GPATCH2: variants seen among roughly 807,000 people sequenced by gnomAD.
The protein encoded by GPATCH2 is G-patch domain containing 2.
A neutral mutation model predicts 58.0 loss-of-function variants in GPATCH2; 51 were observed. The ratio of observed to expected loss-of-function variants is 0.88; its 90% CI spans 0.70 to 1.11. GPATCH2 has a LOEUF of 1.11. Ranked by LOEUF, GPATCH2 falls within the 50% of genes most tolerant of loss-of-function variation. The probability of loss-of-function intolerance (pLI) is 0.00; values close to 1 mark genes in which losing one functional copy is unlikely to be tolerated. For synonymous variants in GPATCH2, 222 were observed against 218.5 expected, an observed-to-expected ratio of 1.02 and a Z score of -0.14; for missense variants, 625 against 652.2, an observed-to-expected ratio of 0.96 and a Z score of 0.45.
chr1:217,555,521 T>C (rs1335143346), intron 5 of GPATCH2, among the ~76,000 whole-genome samples: 2 of 152,178 alleles, frequency 1.3e-5, no homozygotes, highest in African/African-American at 4.8e-5. Flanking sequence ...TGGCCTCATT[T>C]TGAATCTCAC....
chr1:217,599,007 A>G (rs568801906), intron 5 of GPATCH2, among the ~76,000 whole-genome samples: 3 of 152,316 alleles, frequency 2.0e-5, no homozygotes, highest in Non-Finnish European at 4.4e-5. Flanking sequence ...AAAAAAAGGT[A>G]CAGAATTGAA....
rs992436907 is a variant in GPATCH2 at position 217,574,551 on chromosome 1, A to G, written c.1098+35770T>C. On this transcript the variant is annotated intron_variant, in intron 5 of 9. Transcript: ENST00000366935. ...TGCAATTGGTCAAAGTGAGACAAAC[A>G]ATAAAAGGAATAATCATAAACCTAA... Among the ~76,000 whole-genome samples the G allele has an allele frequency of 8.5e-5, 13 of 152,286 alleles. No individual in the cohort carries two copies. In the East Asian group the frequency reaches 2.5e-3, roughly 29 times the overall value.
At chr1:217,492,625 T>C (rs1661802854) in intron 7 of GPATCH2, 2 of 152,222 alleles carry the variant, frequency 1.3e-5, no homozygotes, top group Non-Finnish European at 2.9e-5. Context: ...GTTCCAATAA[T>C]AGCTTTACCA....
intron 6 of GPATCH2, among the ~76,000 whole-genome samples, chr1:217,512,530 C>G (rs1029036464): frequency 6.6e-6 from 1 of 152,130 alleles, no homozygotes; most frequent in African/African-American, 2.4e-5. Context: ...AGCCTGCTGA[C>G]AAAGATTTCC....
At chr1:217,574,818 GCT>G (rs1666732787) in intron 5 of GPATCH2, among the ~76,000 whole-genome samples, 2 of 152,098 alleles carry the variant, frequency 1.3e-5, no homozygotes, top group African/African-American at 4.8e-5. Flanking sequence ...GGTCTTTTTG[GCT>G]CCAAAGAGCA....
intron 6 of GPATCH2, among the ~76,000 whole-genome samples, chr1:217,512,582 T>G (rs980111476): frequency 1.2e-4 from 18 of 152,182 alleles, no homozygotes; most frequent in Non-Finnish European, 1.0e-4. Context: ...GGCTTTGAAC[T>G]GCCTCAGGGC....
intron 5 of GPATCH2, among the ~76,000 whole-genome samples, chr1:217,544,606 G>A (rs895949464): frequency 6.6e-6 from 1 of 152,050 alleles, no homozygotes; most frequent in Non-Finnish European, 1.5e-5. Flanking sequence ...AACTGCTATT[G>A]GAAATAAAAA....
chr1:217,610,190 A>G lies in GPATCH2; in HGVS notation c.1098+131T>C, dbSNP rs964966836. 6.3e-6 allele frequency: 10 copies of G among 1,592,314 alleles called. 1 individual carries two copies. Among genetic ancestry groups the G allele is most frequent in the African/African-American group, 5.4e-5 (4 of 74,082 alleles). ...GGGGAATCTCACTGGTCCAGTTTGTAGCCTACAAAAAAATGGATTATTTTT... is the reference window on the plus strand; with the variant it reads ...GGGGAATCTCACTGGTCCAGTTTGTGGCCTACAAAAAAATGGATTATTTTT... On this transcript the variant is annotated intron_variant, in intron 5 of 9. Transcript: ENST00000366935.
At chr1:217,617,988 C>A (rs968415399) in intron 2 of GPATCH2, among the ~76,000 whole-genome samples, 1 of 151,952 alleles carries the variant, frequency 6.6e-6, no homozygotes, top group East Asian at 1.9e-4. Flanking sequence ...GGAGCTTGCA[C>A]AATGAATCCA....
At chr1:217,608,642 G>T (rs1383206797) in intron 5 of GPATCH2, 4 of 984,260 alleles carry the variant, frequency 4.1e-6, no homozygotes, top group Non-Finnish European at 4.8e-6. Context: ...CATTCATCTA[G>T]ATTCATGATT....
intron 5 of GPATCH2, among the ~76,000 whole-genome samples, chr1:217,567,604 T>C (rs189850822): frequency 2.0e-5 from 3 of 152,340 alleles, no homozygotes; most frequent in Non-Finnish European, 2.9e-5. Flanking sequence ...GAAATGCCCA[T>C]ATGTAATGGT....
chr1:217,576,685 A>G (rs1172264437), intron 5 of GPATCH2, among the ~76,000 whole-genome samples: 4 of 152,192 alleles, frequency 2.6e-5, no homozygotes, highest in Non-Finnish European at 5.9e-5. Context: ...GAGGTTTCCA[A>G]TAGGACCTTG....
In GPATCH2 at chr1:217,620,324, C is replaced by T. The variant is rs1360801941; in HGVS notation, c.232G>A (p.Val78Met). The change falls in exon 2 of 10, where the codon GTG (valine) becomes ATG (methionine). Residue 78 changes from valine (V) to methionine (M), a missense_variant. By Grantham distance (21) the Val-to-Met change is conservative (BLOSUM62 1). Coordinates refer to ENST00000366935, the MANE Select transcript of GPATCH2 (RefSeq NM_018040.5). ...TGACCAGTCTCCCACGGGTGATGCA[C>T]ATTATACGACCTCCGTTTTCTCCCT... ...RRGRKRRSYN[V>M]HHPWETGHCL... 6.2e-7 allele frequency: 1 copy of T among 1,614,050 alleles called. No individual in the cohort carries two copies. The highest frequency in any genetic ancestry group is 1.1e-5 in the South Asian group (1 of 91,082).
At chr1:217,484,206 A>G (rs910563650) in intron 8 of GPATCH2, among the ~76,000 whole-genome samples, 1 of 152,140 alleles carries the variant, frequency 6.6e-6, no homozygotes, top group Non-Finnish European at 1.5e-5. Context: ...TATCTCCTAA[A>G]TGTGGGTGAG....
chr1:217,500,824 T>A (rs1217202553), intron 6 of GPATCH2, among the ~76,000 whole-genome samples: 1 of 151,802 alleles, frequency 6.6e-6, no homozygotes, highest in East Asian at 1.9e-4. Flanking sequence ...TTCTTCTTAT[T>A]TTTTTCCTCC....
chr1:217,493,061 A>T (rs1471676894), intron 7 of GPATCH2, among the ~76,000 whole-genome samples: 1 of 152,064 alleles, frequency 6.6e-6, no homozygotes, highest in Non-Finnish European at 1.5e-5. Context: ...GTATTCTTAA[A>T]TTTTCTCTTA....
chr1:217,510,578 G>A (rs772739494), intron 6 of GPATCH2, among the ~76,000 whole-genome samples: 9 of 151,944 alleles, frequency 5.9e-5, no homozygotes, highest in South Asian at 2.1e-4. Flanking sequence ...CCCAAAATTA[G>A]TTCATTGATG....
intron 9 of GPATCH2, among the ~76,000 whole-genome samples, chr1:217,437,294 A>T (rs1022841295): frequency 2.6e-5 from 4 of 152,116 alleles, no homozygotes; most frequent in Non-Finnish European, 5.9e-5. Flanking sequence ...TTCAAGCACA[A>T]AACTGGGCGA....
chr1:217,458,012 A>T (rs1047481827), intron 8 of GPATCH2, among the ~76,000 whole-genome samples: 1 of 152,074 alleles, frequency 6.6e-6, no homozygotes, highest in East Asian at 1.9e-4. Context: ...CGGACCACGA[A>T]GTCAGGAGAT....
Sources: gnomAD v4.1 joint callset for allele counts (sites outside exome capture counted in the v4.1 genomes callset) on GRCh38, gnomAD v4.1.1 for gene constraint, MANE v1.5 for transcripts, NCBI Gene and HGNC (gene_info 2026-07-23, HGNC 2026-07-21) for gene names.